Variants in POLR1E observed in about 807,000 individuals in gnomAD.
POLR1E encodes the protein RNA polymerase I subunit E.
Under a neutral mutation model 50.9 loss-of-function variants are expected in POLR1E, and 37 were observed. That is an observed-to-expected ratio of 0.73 (90% CI 0.56 to 0.96). The LOEUF is 0.96. POLR1E is among the 40% of genes least tolerant of loss of function. The pLI is 0.00. For missense variants in POLR1E, 426 were observed against 518.1 expected, an observed-to-expected ratio of 0.82 and a Z score of 1.73; for synonymous variants, 166 against 191.6, an observed-to-expected ratio of 0.87 and a Z score of 1.10.
Position 37,503,129 on chromosome 9 carries a change from T to TG in POLR1E, c.1190dup (p.Thr398HisfsTer63). On this transcript the variant is annotated frameshift_variant, in exon 12 of 12. Coordinates refer to ENST00000377798, the MANE Select transcript of POLR1E (RefSeq NM_022490.4). LOFTEE classifies it high-confidence loss of function. ...GCCGGCAGTGAAGAAGATCACAAGC[T>TG]GGGCACCCTGTCCCTCCCGCTGCCT... 6.2e-7 allele frequency: 1 copy of TG among 1,613,842 alleles called. No homozygotes were observed. Among genetic ancestry groups the TG allele is most frequent in the Non-Finnish European group, 8.5e-7 (1 of 1,179,968 alleles).
rs1014472527 is a variant in POLR1E, at chr9:37,498,358, C to T, written c.886+134C>T. The T allele has an allele frequency of 7.3e-5, 71 of 973,882 alleles. No individual in the cohort carries two copies. The South Asian group carries it at 7.5e-4, about 10-fold the overall frequency. The allele number at this position is 973,882 out of a possible 1,614,324, so 60.3% of individuals were successfully genotyped here. A position where few individuals can be genotyped will look rare whatever the true frequency, so the allele number is the denominator to read the frequency against. ...TTTACTGTCAACTGTGAGATTCATT[C>T]TGGTACTGCTGACATGTCGAGGGGA... On this transcript the variant is annotated intron_variant, in intron 9 of 11. Coordinates refer to ENST00000377798, the MANE Select transcript of POLR1E (RefSeq NM_022490.4).
At chr9:37,493,926 A>C (rs1428464701) in intron 6 of POLR1E, among the ~76,000 whole-genome samples, 3 of 152,188 alleles carry the variant, frequency 2.0e-5, no homozygotes, top group Non-Finnish European at 2.9e-5. Context: ...ACAGGCATGG[A>C]ATGGATACAT....
chr9:37,486,321 C>A, intron 1 of POLR1E, 198 bp downstream of exon 1: 1 of 1,329,534 alleles, frequency 7.5e-7, no homozygotes. Flanking sequence ...TTGGGACATC[C>A]CACTCACCCG....
chr9:37,488,921 C>CT (rs1820626596), intron 3 of POLR1E, among the ~76,000 whole-genome samples: 1 of 151,972 alleles, frequency 6.6e-6, no homozygotes, highest in Non-Finnish European at 1.5e-5. Flanking sequence ...GGTGTGTGGG[C>CT]AGAGAGAAGG....
intron 8 of POLR1E, 107 bp downstream of exon 8, chr9:37,496,093 T>C: frequency 1.3e-6 from 1 of 770,828 alleles, no homozygotes; most frequent in South Asian, 1.6e-5. Context: ...GAAGTGTGTC[T>C]GGAGCATTGG....
At position 37,486,012 on chromosome 9, in the gene POLR1E, G is replaced by C; in HGVS notation, c.-36G>C. The C allele has an allele frequency of 6.3e-7, 1 of 1,581,146 alleles. No individual in the cohort carries two copies. The highest frequency in any genetic ancestry group is 8.6e-7 in the Non-Finnish European group (1 of 1,165,416). On this transcript the variant is annotated 5_prime_UTR_variant, in exon 1 of 12. Transcript: ENST00000377798. ...TAAAAGTGCGCTTGTGGCTGCTGCT[G>C]TCTTAACTCCTGTGCTTGGCGGACA... is the stretch of plus-strand genomic sequence containing the variant.
intron 4 of POLR1E, chr9:37,490,914 T>C (rs561683212): frequency 1.2e-5 from 6 of 488,756 alleles, no homozygotes; most frequent in South Asian, 1.0e-4. Flanking sequence ...TACTGCAAGA[T>C]GGCAGTTCTG....
intron 4 of POLR1E, chr9:37,492,164 G>A: frequency 1.1e-6 from 1 of 886,710 alleles, no homozygotes; most frequent in Non-Finnish European, 1.5e-6. Flanking sequence ...AACAGGCAAG[G>A]CCACTCCAGA....
intron 5 of POLR1E, among the ~76,000 whole-genome samples, 179 bp downstream of exon 5, chr9:37,492,894 G>A (rs1820710995): frequency 6.6e-6 from 1 of 152,318 alleles, no homozygotes; most frequent in South Asian, 2.1e-4. Context: ...GTCCCACAGA[G>A]AACAGTCTGG....
chr9:37,494,380 A>G (rs1293211634), intron 6 of POLR1E, among the ~76,000 whole-genome samples: 1 of 152,048 alleles, frequency 6.6e-6, no homozygotes. Flanking sequence ...AATTCTAGTA[A>G]TTTTTGGAAA....
chr9:37,489,443 T>G, intron 4 of POLR1E, 43 bp downstream of exon 4: 11 of 1,388,076 alleles, frequency 7.9e-6, no homozygotes, highest in Non-Finnish European at 7.9e-6. Flanking sequence ...ATGCATAGTT[T>G]GGGTTTGCTG....
At chr9:37,491,313 C>A (rs1186409352) in intron 4 of POLR1E, among the ~76,000 whole-genome samples, 1 of 152,144 alleles carries the variant, frequency 6.6e-6, no homozygotes, top group Non-Finnish European at 1.5e-5. Context: ...CTGCCTGATA[C>A]CTCAGAGGCA....
intron 8 of POLR1E, among the ~76,000 whole-genome samples, chr9:37,497,074 C>G (rs10973372): frequency 0.22 from 32,701 of 152,012 alleles, 3,662 homozygotes; most frequent in East Asian, 0.26. Flanking sequence ...AAACTTGCCC[C>G]GCTGGGCACG....
chr9:37,497,374 CA>C (rs1474649716), intron 8 of POLR1E, among the ~76,000 whole-genome samples: 1 of 151,876 alleles, frequency 6.6e-6, no homozygotes, highest in Non-Finnish European at 1.5e-5. Flanking sequence ...AACAAACAAA[CA>C]AAAAAAGAAA....
intron 9 of POLR1E, 53 bp downstream of exon 9, chr9:37,498,277 T>C (rs1375072681): frequency 2.6e-6 from 4 of 1,557,394 alleles, no homozygotes; most frequent in Non-Finnish European, 3.5e-6. Context: ...ATTATTTGTC[T>C]GTAATTCTTA....
intron 11 of POLR1E, 41 bp downstream of exon 11, chr9:37,501,885 G>A (rs377125656): frequency 3.5e-5 from 55 of 1,583,850 alleles, no homozygotes; most frequent in South Asian, 2.4e-4. Context: ...AGGGTGTCTC[G>A]ATGTCTTATT....
At position 37,495,241 on chromosome 9, in the gene POLR1E, CAGCCA is replaced by C; in HGVS notation, c.625_629del (p.Lys209Ter). 6.2e-7 allele frequency: 1 copy of C among 1,614,074 alleles called. No individual in the cohort carries two copies. Among genetic ancestry groups the C allele is most frequent in the South Asian group, 1.1e-5 (1 of 91,084 alleles). On this transcript the variant is annotated frameshift_variant, in exon 7 of 12. Coordinates refer to ENST00000377798, the MANE Select transcript of POLR1E (RefSeq NM_022490.4). LOFTEE classifies it high-confidence loss of function. ...TACCTTCCTCCCTGCTATGATGATG[CAGCCA>C]AGCCTGAAGACGTGTATAAATTTGA...
Position 37,503,204 on chromosome 9 carries a change from C to T in POLR1E, c.*2C>T, listed in dbSNP as rs749688998. 59 of 1,600,724 alleles carry T rather than the reference C, an allele frequency of 3.7e-5. No homozygotes were observed. The highest frequency in any genetic ancestry group is 2.0e-4 in the Middle Eastern group (1 of 5,010). On this transcript the variant is annotated 3_prime_UTR_variant, in exon 12 of 12. Coordinates refer to ENST00000377798, the MANE Select transcript of POLR1E (RefSeq NM_022490.4). ...GCAAAGCGGAGGAAGATTACCTAGA[C>T]GCATGCTTTCCAGACAGGGCGTTTT...
intron 4 of POLR1E, chr9:37,490,408 T>A: frequency 1.3e-6 from 1 of 745,694 alleles, no homozygotes; most frequent in Non-Finnish European, 2.5e-6. Context: ...GTCTTTCATT[T>A]TTTAAACACC....
Sources: gnomAD v4.1 joint callset for allele counts (sites outside exome capture counted in the v4.1 genomes callset) on GRCh38, gnomAD v4.1.1 for gene constraint, MANE v1.5 for transcripts, NCBI Gene and HGNC (gene_info 2026-07-23, HGNC 2026-07-21) for gene names.